Variants in XKR9 observed in about 807,000 individuals in gnomAD.
XKR9 encodes XK-related protein 9.
Under a neutral mutation model 32.0 loss-of-function variants are expected in XKR9, and 32 were observed. The observed-to-expected ratio is 1.00, with a 90% confidence interval of 0.76 to 1.34. The LOEUF (loss-of-function observed/expected upper bound fraction) is 1.34, where lower values mean the gene tolerates loss of function less well. Ranked by LOEUF, XKR9 falls within the 40% of genes most tolerant of loss-of-function variation. The pLI is 0.00. For synonymous variants in XKR9, 168 were observed against 143.4 expected, an observed-to-expected ratio of 1.17 and a Z score of -1.22; for missense variants, 546 against 429.7, an observed-to-expected ratio of 1.27 and a Z score of -2.39.
the XKR9 span, among the ~76,000 whole-genome samples, chr8:70,862,450 T>C: frequency 6.6e-6 from 1 of 151,888 alleles, no homozygotes; most frequent in East Asian, 1.9e-4. Flanking sequence ...ACTTATTCTT[T>C]GGAAAAGTTT....
chr8:70,964,648 C>T, the XKR9 span, among the ~76,000 whole-genome samples: 2 of 152,078 alleles, frequency 1.3e-5, no homozygotes, highest in Admixed American at 6.6e-5. Flanking sequence ...GTTTGTAGTT[C>T]TCCTTGAGGA....
chr8:70,987,551 C>T, the XKR9 span, among the ~76,000 whole-genome samples: 2 of 152,252 alleles, frequency 1.3e-5, no homozygotes, highest in African/African-American at 4.8e-5. Flanking sequence ...TGGGCTCCCA[C>T]AGCCTTGGGC....
At chr8:70,853,570 AT>A in the XKR9 span, among the ~76,000 whole-genome samples, 1 of 151,500 alleles carries the variant, frequency 6.6e-6, no homozygotes, top group Non-Finnish European at 1.5e-5. Context: ...ATACTTTAAG[AT>A]TTAGGGTACA....
At chr8:70,860,729 C>T in the XKR9 span, among the ~76,000 whole-genome samples, 1 of 149,754 alleles carries the variant, frequency 6.7e-6, no homozygotes, top group Non-Finnish European at 1.5e-5. Flanking sequence ...GTCAATGTTA[C>T]CCAATTTCTG....
the XKR9 span, among the ~76,000 whole-genome samples, chr8:70,956,440 G>A: frequency 6.6e-6 from 1 of 152,070 alleles, no homozygotes; most frequent in East Asian, 1.9e-4. Flanking sequence ...CATCCAATTG[G>A]CCGAACTGTC....
chr8:70,854,896 C>A, the XKR9 span, among the ~76,000 whole-genome samples: 3 of 152,134 alleles, frequency 2.0e-5, no homozygotes, highest in African/African-American at 7.2e-5. Flanking sequence ...TGTTTTGATA[C>A]CAGTACCATG....
At chr8:70,801,627 A>T in the XKR9 span, among the ~76,000 whole-genome samples, 1 of 152,136 alleles carries the variant, frequency 6.6e-6, no homozygotes, top group Non-Finnish European at 1.5e-5. Flanking sequence ...GATGAGAAGA[A>T]TGTGTATTCT....
At chr8:70,873,153 G>A in the XKR9 span, among the ~76,000 whole-genome samples, 1 of 152,174 alleles carries the variant, frequency 6.6e-6, no homozygotes, top group Non-Finnish European at 1.5e-5. Flanking sequence ...CTCAGATAAA[G>A]ATTCCTCTCA....
intron 2 of XKR9, among the ~76,000 whole-genome samples, chr8:70,742,676 T>C (rs759198023): frequency 6.6e-6 from 1 of 152,152 alleles, no homozygotes; most frequent in African/African-American, 2.4e-5. Context: ...TATAGAGTTC[T>C]GAGTTGACAG....
chr8:70,880,569 T>C, the XKR9 span, among the ~76,000 whole-genome samples: 1 of 152,142 alleles, frequency 6.6e-6, no homozygotes, highest in Admixed American at 6.6e-5. Flanking sequence ...TTACAAGGAA[T>C]GTGAAGGACC....
At chr8:70,867,592 C>T in the XKR9 span, among the ~76,000 whole-genome samples, 1 of 152,190 alleles carries the variant, frequency 6.6e-6, no homozygotes, top group Non-Finnish European at 1.5e-5. Context: ...GCTGGGATTA[C>T]AGGCTTGCAC....
At chr8:70,762,664 A>G (rs1157098251) in intron 2 of XKR9, among the ~76,000 whole-genome samples, 3 of 152,212 alleles carry the variant, frequency 2.0e-5, no homozygotes, top group Non-Finnish European at 2.9e-5. Context: ...TTTGAAAATA[A>G]TAATATATAA....
intron 2 of XKR9, among the ~76,000 whole-genome samples, chr8:70,778,357 T>C (rs1212813866): frequency 6.6e-6 from 1 of 152,032 alleles, no homozygotes; most frequent in Non-Finnish European, 1.5e-5. Context: ...TAACCTTGTA[T>C]TGTAGTTTGA....
the XKR9 span, among the ~76,000 whole-genome samples, chr8:71,053,085 C>A: frequency 2.0e-5 from 3 of 152,202 alleles, no homozygotes; most frequent in African/African-American, 7.2e-5. Context: ...GCAAATGGAT[C>A]TATTATAAGG....
At chr8:70,916,923 A>G in the XKR9 span, among the ~76,000 whole-genome samples, 1 of 151,330 alleles carries the variant, frequency 6.6e-6, no homozygotes, top group South Asian at 2.1e-4. Context: ...TATGTTTTTA[A>G]TGCTAATGTA....
At chr8:70,858,951 A>AT in the XKR9 span, among the ~76,000 whole-genome samples, 2 of 152,124 alleles carry the variant, frequency 1.3e-5, no homozygotes, top group Admixed American at 1.3e-4. Flanking sequence ...CTGGGCAAAG[A>AT]TTTTTTGTGT....
intron 4 of XKR9, among the ~76,000 whole-genome samples, chr8:70,710,618 G>T (rs1824729): frequency 0.33 from 50,131 of 151,912 alleles, 9,428 homozygotes; most frequent in Non-Finnish European, 0.43. Context: ...CAGGAGAATC[G>T]CTTGAACCCA....
At chr8:70,747,933 AGT>A (rs1807080738) in intron 2 of XKR9, among the ~76,000 whole-genome samples, 1 of 152,176 alleles carries the variant, frequency 6.6e-6, no homozygotes, top group Admixed American at 6.5e-5. Context: ...GTGAAAAATC[AGT>A]GAGATACTAT....
At chr8:70,953,943 C>T in the XKR9 span, among the ~76,000 whole-genome samples, 1 of 152,014 alleles carries the variant, frequency 6.6e-6, no homozygotes, top group Non-Finnish European at 1.5e-5. Context: ...AGGGAAAGAG[C>T]ATAGAGGAGT....
Sources: gnomAD v4.1 joint callset for allele counts (sites outside exome capture counted in the v4.1 genomes callset) on GRCh38, gnomAD v4.1.1 for gene constraint, MANE v1.5 for transcripts, NCBI Gene and HGNC (gene_info 2026-07-23, HGNC 2026-07-21) for gene names.